TTC6: variants seen among roughly 807,000 people sequenced by gnomAD.
TTC6 encodes tetratricopeptide repeat protein 6.
TTC6 carries 172 observed loss-of-function variants against 210.4 expected under a neutral mutation model. That is an observed-to-expected ratio of 0.82 (90% confidence interval 0.72 to 0.93). The LOEUF (loss-of-function observed/expected upper bound fraction) is 0.93. Ranked by LOEUF, TTC6 falls within the 40% of genes least tolerant of loss-of-function variation. The pLI, the probability that TTC6 is intolerant of heterozygous loss-of-function variation, is 0.00. For synonymous variants in TTC6, 804 were observed against 819.6 expected (o/e 0.98, Z 0.32); for missense variants, 2,414 against 2,318.1 (o/e 1.04, Z -0.85).
At chr14:37,679,777 T>C (rs899909126) in intron 1 of TTC6, among the ~76,000 whole-genome samples, 3 of 151,970 alleles carry the variant, frequency 2.0e-5, no homozygotes, top group Non-Finnish European at 4.4e-5. Flanking sequence ...TGCAACCTCT[T>C]CCTCCTGGGT....
chr14:37,738,050 A>C (rs777824656), intron 9 of TTC6, among the ~76,000 whole-genome samples: 2 of 151,916 alleles, frequency 1.3e-5, no homozygotes, highest in Non-Finnish European at 2.9e-5. Context: ...AATGAAATGC[A>C]TTTAACTTAT....
At chr14:37,817,794 A>C (rs1265434865) in intron 26 of TTC6, 143 bp downstream of exon 28, 1 of 760,906 alleles carries the variant, frequency 1.3e-6, no homozygotes, top group African/African-American at 1.8e-5. Context: ...GGGGAGGGAC[A>C]CAAAGAGTTC....
rs77358780 is a variant in TTC6, at chr14:37,781,608, G to A, written c.3267-5860G>A. Among the ~76,000 whole-genome samples the A allele has an allele frequency of 0.017, 2,608 of 151,946 alleles. 100 individuals are homozygous for A. The East Asian group carries it at 0.17, about 10-fold the overall frequency. On this transcript the variant is annotated intron_variant, in intron 14 of 30. Coordinates refer to ENST00000553443, the Ensembl canonical transcript of TTC6. ...TCACTCTGATGGTAGTTTCTTTTGC[G>A]GTGCAGAAGCTCTTTAGTTTAATCA... is the stretch of plus-strand genomic sequence containing the variant.
rs146347336 is a variant in TTC6 at position 37,693,584 on chromosome 14, A to G, written c.1258-3133A>G. On this transcript the variant is annotated intron_variant, in intron 3 of 30. Coordinates refer to ENST00000553443, the Ensembl canonical transcript of TTC6. The stretch of plus-strand genomic sequence containing the variant: ...AAACTATCCTAAGCAAACAAAAACA[A>G]AAACCATACAAAACAAAACAAACAA... 9.2e-5 allele frequency among the ~76,000 whole-genome samples: 14 copies of G among 152,176 alleles called. No individual in the cohort carries two copies. The East Asian group carries it at 2.7e-3, about 29-fold the overall frequency.
chr14:37,655,443 A>G (rs148155648), intron 1 of TTC6, among the ~76,000 whole-genome samples: 13 of 152,196 alleles, frequency 8.5e-5, no homozygotes, highest in Non-Finnish European at 1.3e-4. Context: ...GCTATTAATG[A>G]GTCATGACAT....
intron 14 of TTC6, among the ~76,000 whole-genome samples, chr14:37,774,772 T>G (rs1678307623): frequency 6.6e-6 from 1 of 152,128 alleles, no homozygotes; most frequent in African/African-American, 2.4e-5. Flanking sequence ...GGAAGAGGCT[T>G]CTCCTCTTCA....
intron 1 of TTC6, among the ~76,000 whole-genome samples, chr14:37,662,826 TG>T (rs2138419523): frequency 6.6e-6 from 1 of 151,778 alleles, no homozygotes; most frequent in Non-Finnish European, 1.5e-5. Flanking sequence ...TAGTATAGTT[TG>T]AAGTTGGGTA....
chr14:37,749,899 A>G, intron 12 of TTC6, 56 bp downstream of exon 14: 1 of 1,158,292 alleles, frequency 8.6e-7, no homozygotes, highest in Non-Finnish European at 1.1e-6. Context: ...AGCCTTTGTC[A>G]TTTATTGGTA....
chr14:37,640,881 T>C (rs530462429), intron 1 of TTC6, among the ~76,000 whole-genome samples: 1 of 152,294 alleles, frequency 6.6e-6, no homozygotes, highest in Admixed American at 6.5e-5. Context: ...TTTAAGGACT[T>C]GTCCAAGGCC....
chr14:37,807,387 AC>A lies in TTC6; in HGVS notation c.4383del (p.Asn1461LysfsTer20). 6.5e-7 allele frequency: 1 copy of A among 1,531,058 alleles called. No homozygotes were observed. The highest frequency in any genetic ancestry group is 8.7e-7 in the Non-Finnish European group (1 of 1,143,288). The allele number at this position is 1,531,058 out of a possible 1,614,324, so 94.8% of individuals were successfully genotyped here. A position where few individuals can be genotyped will look rare whatever the true frequency, so the allele number is the denominator to read the frequency against. On this transcript the variant is annotated frameshift_variant, in exon 23 of 31. Coordinates refer to ENST00000553443, the Ensembl canonical transcript of TTC6. LOFTEE classifies it high-confidence loss of function. ...TATTCCAAAGCAATCTTGAATTGTA[AC>A]AAGGCTATTAAAATTTACCCTGAAA...
chr14:37,758,880 G>T (rs1021167819), intron 14 of TTC6, among the ~76,000 whole-genome samples: 11 of 152,100 alleles, frequency 7.2e-5, no homozygotes, highest in Non-Finnish European at 1.6e-4. Flanking sequence ...AGGCAGGCCT[G>T]GTGGTGACAA....
rs1171947878 is a variant in TTC6 at position 37,687,010 on chromosome 14, C to T, written c.1257+4046C>T. On this transcript the variant is annotated intron_variant, in intron 3 of 30. Coordinates refer to ENST00000553443, the Ensembl canonical transcript of TTC6. ...GAATAGAAGGCTCCATTGATTGTCC[C>T]CTCCACTCCACAGTAAACCAGGACA... 3.3e-5 allele frequency among the ~76,000 whole-genome samples: 5 copies of T among 152,130 alleles called. No homozygotes were observed. In the South Asian group the frequency reaches 8.3e-4, roughly 25 times the overall value.
intron 1 of TTC6, among the ~76,000 whole-genome samples, chr14:37,661,993 C>T (rs2095738456): frequency 6.6e-6 from 1 of 152,146 alleles, no homozygotes; most frequent in Non-Finnish European, 1.5e-5. Flanking sequence ...TACAGGAATG[C>T]TAGCAATTTT....
chr14:37,714,631 C>T (rs1390044122), intron 5 of TTC6, 24 bp from the exon 8 acceptor site: 20 of 1,525,772 alleles, frequency 1.3e-5, no homozygotes, highest in Non-Finnish European at 1.4e-5. Context: ...AAAAAGCAAA[C>T]TTATTGTTCT....
chr14:37,819,993 A>G (rs933889420), intron 26 of TTC6, among the ~76,000 whole-genome samples: 3 of 152,172 alleles, frequency 2.0e-5, no homozygotes, highest in Middle Eastern at 3.2e-3. Context: ...ATACTTTTAC[A>G]CTTGTGGTAA....
chr14:37,607,327 A>T (rs1295302617), intron 2 of TTC6, among the ~76,000 whole-genome samples: 1 of 152,176 alleles, frequency 6.6e-6, no homozygotes, highest in East Asian at 1.9e-4. Flanking sequence ...TTGGTTCCTC[A>T]TCTCTAGAAC....
At chr14:37,821,772 C>CTTTTTTTTT (rs35078384) in intron 26 of TTC6, among the ~76,000 whole-genome samples, 9 of 69,154 alleles carry the variant, frequency 1.3e-4, no homozygotes, top group African/African-American at 2.0e-4. Context: ...AAGAGCTAGT[C>CTTTTTTTTT]TTTTTTTTTT....
Position 37,689,288 on chromosome 14 carries a change from A to T in TTC6, c.1257+6324A>T, listed in dbSNP as rs2095799312. On this transcript the variant is annotated intron_variant, in intron 3 of 30. Transcript: ENST00000553443. ...CACAGAGGAGACAAAAGAAAAAAGA[A>T]TAAAACACAATGAAGCATACCTACA... Among the ~76,000 whole-genome samples, 4 of 152,122 alleles carry T rather than the reference A, an allele frequency of 2.6e-5. No individual in the cohort carries two copies. The South Asian group carries it at 8.3e-4, about 32-fold the overall frequency.
At chr14:37,829,928 C>G (rs970213734) in intron 29 of TTC6, among the ~76,000 whole-genome samples, 1 of 151,988 alleles carries the variant, frequency 6.6e-6, no homozygotes, top group Non-Finnish European at 1.5e-5. Context: ...ACATTTTAGT[C>G]TTAGTTCTTC....
Sources: gnomAD v4.1 joint callset for allele counts (sites outside exome capture counted in the v4.1 genomes callset) on GRCh38, gnomAD v4.1.1 for gene constraint, MANE v1.5 for transcripts, NCBI Gene and HGNC (gene_info 2026-07-23, HGNC 2026-07-21) for gene names.